UBASH3B: variants seen among roughly 807,000 people sequenced by gnomAD.
The protein encoded by UBASH3B is ubiquitin associated and SH3 domain containing B.
In UBASH3B, 37 loss-of-function variants were observed where a neutral mutation model predicts 83.4. The ratio of observed to expected loss-of-function variants is 0.44; its 90% CI spans 0.34 to 0.58. The LOEUF (loss-of-function observed/expected upper bound fraction) is 0.58, where lower values mean the gene tolerates loss of function less well. UBASH3B is among the 20% of genes least tolerant of loss of function. UBASH3B has a pLI of 0.01. For missense variants in UBASH3B, 657 were observed against 827.2 expected (o/e 0.79, Z 2.52); for synonymous variants, 304 against 318.3 (o/e 0.96, Z 0.48).
At chr11:122,764,725 G>T (rs1860504251) in intron 1 of UBASH3B, among the ~76,000 whole-genome samples, 1 of 152,242 alleles carries the variant, frequency 6.6e-6, no homozygotes, top group African/African-American at 2.4e-5. Flanking sequence ...AGGTGCTGTA[G>T]TACGTGAATT....
intron 11 of UBASH3B, among the ~76,000 whole-genome samples, chr11:122,803,916 C>T (rs765859940): frequency 2.0e-5 from 3 of 151,972 alleles, no homozygotes; most frequent in East Asian, 1.9e-4. Flanking sequence ...AGCAGCATGA[C>T]GTGACCTGCT....
At chr11:122,670,090 G>C (rs1863573888) in intron 1 of UBASH3B, among the ~76,000 whole-genome samples, 1 of 152,180 alleles carries the variant, frequency 6.6e-6, no homozygotes, top group Non-Finnish European at 1.5e-5. Flanking sequence ...AAATGCAGTG[G>C]GGTTGGCTGT....
chr11:122,779,418 A>C lies in UBASH3B; in HGVS notation c.403-79A>C. On this transcript the variant is annotated intron_variant, in intron 3 of 13. Coordinates refer to ENST00000284273, the MANE Select transcript of UBASH3B (RefSeq NM_032873.5). The stretch of plus-strand genomic sequence containing the variant: ...TATCAGCCTCCTCCAGTCTCTGGGG[A>C]GAGGATGCCAATGTTAAGTAGCAGC... 2.7e-6 allele frequency: 4 copies of C among 1,502,966 alleles called. No individual in the cohort carries two copies. In the Admixed American group the frequency reaches 5.0e-5, roughly 19 times the overall value. The allele number at this position is 1,502,966 out of a possible 1,614,324, so 93.1% of individuals were successfully genotyped here.
At chr11:122,745,159 C>CT (rs1365737526) in intron 1 of UBASH3B, among the ~76,000 whole-genome samples, 4 of 152,106 alleles carry the variant, frequency 2.6e-5, no homozygotes, top group Non-Finnish European at 5.9e-5. Flanking sequence ...CAGCTTGTAT[C>CT]TTTTTTTTCT....
chr11:122,790,969 A>T (rs867466576), intron 6 of UBASH3B, among the ~76,000 whole-genome samples: 9 of 149,496 alleles, frequency 6.0e-5, no homozygotes, highest in Non-Finnish European at 7.4e-5. Context: ...AAAAAAGTGG[A>T]GGTATATGAG....
At chr11:122,669,724 AT>A (rs537764648) in intron 1 of UBASH3B, among the ~76,000 whole-genome samples, 63 of 152,314 alleles carry the variant, frequency 4.1e-4, no homozygotes, top group African/African-American at 1.4e-3. Flanking sequence ...CACCTAACAT[AT>A]GTATTATTTT....
chr11:122,777,912 T>C (rs1384584300), intron 3 of UBASH3B, among the ~76,000 whole-genome samples: 1 of 151,916 alleles, frequency 6.6e-6, no homozygotes, highest in African/African-American at 2.4e-5. Flanking sequence ...GTATTTTTAG[T>C]AGAGACGGGG....
At chr11:122,736,575 G>T (rs1056628897) in intron 1 of UBASH3B, among the ~76,000 whole-genome samples, 2 of 152,068 alleles carry the variant, frequency 1.3e-5, no homozygotes, top group Non-Finnish European at 2.9e-5. Context: ...CTTTAGCGAC[G>T]CTCTTCATTC....
At chr11:122,775,495 TG>T (rs1320104266) in intron 1 of UBASH3B, 1 of 152,236 alleles carries the variant, frequency 6.6e-6, no homozygotes, top group Non-Finnish European at 1.5e-5. Flanking sequence ...TGGTTGGAAG[TG>T]GGTAGAGGGA....
At chr11:122,661,540 G>A (rs1429646632) in intron 1 of UBASH3B, among the ~76,000 whole-genome samples, 2 of 152,288 alleles carry the variant, frequency 1.3e-5, no homozygotes, top group Admixed American at 1.3e-4. Flanking sequence ...CCCACCTGGA[G>A]CTGAAGGGCT....
intron 1 of UBASH3B, among the ~76,000 whole-genome samples, chr11:122,720,172 C>T (rs1860599157): frequency 6.6e-6 from 1 of 152,234 alleles, no homozygotes; most frequent in Non-Finnish European, 1.5e-5. Context: ...CCGTACTCAG[C>T]ATCTCCTATG....
chr11:122,702,404 A>C (rs1864052079), intron 1 of UBASH3B, among the ~76,000 whole-genome samples: 1 of 152,166 alleles, frequency 6.6e-6, no homozygotes, highest in East Asian at 1.9e-4. Context: ...CCAAGCACGG[A>C]GATCCCTTGC....
At position 122,655,988 on chromosome 11, in the gene UBASH3B, C is replaced by T. The variant is rs905403650; in HGVS notation, c.-62C>T. 64 of 1,422,672 alleles carry T rather than the reference C, an allele frequency of 4.5e-5. No homozygotes were observed. The highest frequency in any genetic ancestry group is 5.8e-5 in the Non-Finnish European group (62 of 1,077,304). 88.1% of individuals were successfully genotyped at this position (1,422,672 alleles called of 1,614,324 possible). ...CCCCTCCCCTGGCCCAGCCCGACTC[C>T]CTCCTCCTTCCCGAACCATCCGGCT... On this transcript the variant is annotated 5_prime_UTR_variant, in exon 1 of 14. Coordinates refer to ENST00000284273, the MANE Select transcript of UBASH3B (RefSeq NM_032873.5).
chr11:122,796,680 C>A (rs1033785198), intron 8 of UBASH3B, among the ~76,000 whole-genome samples: 1 of 152,108 alleles, frequency 6.6e-6, no homozygotes, highest in South Asian at 2.1e-4. Flanking sequence ...CTGGTTATTA[C>A]CTTCACTGAG....
rs1315165552 is a variant in UBASH3B, at chr11:122,690,210, C to A, written c.161+34000C>A. ...TATATATATATATATATATATATAT[C>A]CAATTATATATATATATATCCAATT... On this transcript the variant is annotated intron_variant, in intron 1 of 13. Transcript: ENST00000284273. 8.0e-3 allele frequency among the ~76,000 whole-genome samples: 122 copies of A among 15,292 alleles called. 1 individual carries two copies. The highest frequency in any genetic ancestry group is 0.017 in the Admixed American group (15 of 864). 10.0% of individuals were successfully genotyped at this position (15,292 alleles called of 152,430 possible). A position where few individuals can be genotyped will look rare whatever the true frequency, so the allele number is the denominator to read the frequency against.
intron 1 of UBASH3B, among the ~76,000 whole-genome samples, chr11:122,761,165 A>G (rs1248676597): frequency 6.6e-6 from 1 of 152,000 alleles, no homozygotes; most frequent in Non-Finnish European, 1.5e-5. Context: ...GCATCTCCCC[A>G]CTCTCCTTGG....
At chr11:122,706,087 A>T (rs1864115071) in intron 1 of UBASH3B, among the ~76,000 whole-genome samples, 1 of 149,834 alleles carries the variant, frequency 6.7e-6, no homozygotes, top group African/African-American at 2.5e-5. Flanking sequence ...TATTTACCAA[A>T]GCTCTAATTC....
At chr11:122,710,153 C>CAAA (rs533815380) in intron 1 of UBASH3B, among the ~76,000 whole-genome samples, 1 of 65,208 alleles carries the variant, frequency 1.5e-5, no homozygotes, top group Non-Finnish European at 3.2e-5. Flanking sequence ...GAGACTGTCT[C>CAAA]AAAAAAAAAA....
rs539142926 is a variant in UBASH3B at position 122,673,522 on chromosome 11, G to T, written c.161+17312G>T. 2.0e-5 allele frequency among the ~76,000 whole-genome samples: 3 copies of T among 152,186 alleles called. No homozygotes were observed. In the East Asian group the frequency reaches 5.8e-4, roughly 29 times the overall value. On this transcript the variant is annotated intron_variant, in intron 1 of 13. Coordinates refer to ENST00000284273, the MANE Select transcript of UBASH3B (RefSeq NM_032873.5). The stretch of plus-strand genomic sequence containing the variant: ...ATAAAAATAAAAATTAGCTAGGCAT[G>T]GTGGCGGGCGCCTGTAGTCCCAGCT...
Sources: gnomAD v4.1 joint callset for allele counts (sites outside exome capture counted in the v4.1 genomes callset) on GRCh38, gnomAD v4.1.1 for gene constraint, MANE v1.5 for transcripts, NCBI Gene and HGNC (gene_info 2026-07-23, HGNC 2026-07-21) for gene names.